BAALC: variants seen among roughly 807,000 people sequenced by gnomAD.
The protein encoded by BAALC is brain and acute leukemia cytoplasmic protein.
In BAALC, 9 loss-of-function variants were observed where a neutral mutation model predicts 15.5. That is an observed-to-expected ratio of 0.58 (90% confidence interval 0.35 to 1.02). The LOEUF (loss-of-function observed/expected upper bound fraction) is 1.02, where lower values mean the gene tolerates loss of function less well. BAALC is among the 50% of genes least tolerant of loss of function. The pLI is 0.02. For missense variants in BAALC, 201 were observed against 192.4 expected (o/e 1.04, Z -0.27); for synonymous variants, 80 against 74.6 (o/e 1.07, Z -0.37).
At chr8:103,174,765 T>C (rs925339859) in intron 1 of BAALC, among the ~76,000 whole-genome samples, 3 of 152,162 alleles carry the variant, frequency 2.0e-5, no homozygotes, top group African/African-American at 7.2e-5. Context: ...ATAGTAATGG[T>C]TGGAACTATG....
At chr8:103,192,738 C>G (rs1385458580) in intron 1 of BAALC, among the ~76,000 whole-genome samples, 1 of 152,212 alleles carries the variant, frequency 6.6e-6, no homozygotes, top group Non-Finnish European at 1.5e-5. Flanking sequence ...TACCGCCAGG[C>G]TTGAGCCCTT....
chr8:103,177,597 C>A (rs146978664), intron 1 of BAALC, among the ~76,000 whole-genome samples: 44 of 152,310 alleles, frequency 2.9e-4, no homozygotes, highest in African/African-American at 9.1e-4. Flanking sequence ...ACAGCATTTC[C>A]ATTTCTCACA....
chr8:103,143,600 C>A (rs532881519), intron 1 of BAALC, among the ~76,000 whole-genome samples: 98 of 152,314 alleles, frequency 6.4e-4, no homozygotes, highest in Non-Finnish European at 1.0e-3. Context: ...TCTGAACACT[C>A]CTTCAACCAC....
intron 1 of BAALC, among the ~76,000 whole-genome samples, chr8:103,188,681 C>G (rs1481959759): frequency 5.3e-5 from 8 of 152,200 alleles, no homozygotes; most frequent in Admixed American, 3.9e-4. Flanking sequence ...CCTCTACTTA[C>G]AGTTTTCATA....
chr8:103,188,406 G>C (rs1811893391), intron 1 of BAALC, among the ~76,000 whole-genome samples: 1 of 152,184 alleles, frequency 6.6e-6, no homozygotes, highest in Admixed American at 6.5e-5. Context: ...GTCTGAAAGT[G>C]GGGATGGGGT....
At chr8:103,164,378 A>T (rs1811297580) in intron 1 of BAALC, among the ~76,000 whole-genome samples, 1 of 152,200 alleles carries the variant, frequency 6.6e-6, no homozygotes, top group Admixed American at 6.5e-5. Flanking sequence ...CAACGGAAGC[A>T]GGGATAGGAT....
intron 1 of BAALC, among the ~76,000 whole-genome samples, chr8:103,192,801 C>T (rs1024461071): frequency 7.2e-5 from 11 of 152,300 alleles, no homozygotes; most frequent in Middle Eastern, 3.4e-3. Context: ...GGACAGCATC[C>T]ACTCCTTAGC....
chr8:103,212,310 T>C (rs895289779), intron 1 of BAALC, among the ~76,000 whole-genome samples: 2 of 152,116 alleles, frequency 1.3e-5, no homozygotes, highest in African/African-American at 4.8e-5. Context: ...TAGCTGGGCA[T>C]GGTGACACGT....
intron 2 of BAALC, among the ~76,000 whole-genome samples, chr8:103,218,080 T>A (rs1812599831): frequency 6.6e-6 from 1 of 152,202 alleles, no homozygotes; most frequent in Non-Finnish European, 1.5e-5. Flanking sequence ...TAAACTGCTT[T>A]CCAAAGGGTG....
chr8:103,213,376 G>A, intron 2 of BAALC: 1 of 262,038 alleles, frequency 3.8e-6, no homozygotes. Flanking sequence ...GACTGTGCTG[G>A]TTAGAGGAAC....
intron 1 of BAALC, among the ~76,000 whole-genome samples, chr8:103,177,193 G>GTT (rs67361726): frequency 0.09 from 13,106 of 145,230 alleles, 949 homozygotes; most frequent in East Asian, 0.34. Flanking sequence ...TTGTTGTTTT[G>GTT]TTTTTTTTTT....
At chr8:103,221,256 G>A (rs1180054144) in intron 2 of BAALC, among the ~76,000 whole-genome samples, 1 of 152,086 alleles carries the variant, frequency 6.6e-6, no homozygotes, top group Non-Finnish European at 1.5e-5. Flanking sequence ...TGATTCATGG[G>A]GTACTAAAGC....
At chr8:103,175,701 G>T (rs767211993) in intron 1 of BAALC, among the ~76,000 whole-genome samples, 1 of 152,248 alleles carries the variant, frequency 6.6e-6, no homozygotes, top group Non-Finnish European at 1.5e-5. Flanking sequence ...GTCTGGGCAT[G>T]ACCTCAGTTG....
At chr8:103,224,204 T>A (rs1256791533) in intron 2 of BAALC, among the ~76,000 whole-genome samples, 1 of 151,684 alleles carries the variant, frequency 6.6e-6, no homozygotes. Context: ...ATGAAAAGAG[T>A]CAAACTCTGT....
At chr8:103,212,625 GTAAA>G (rs1450547242) in intron 1 of BAALC, among the ~76,000 whole-genome samples, 12 of 152,270 alleles carry the variant, frequency 7.9e-5, no homozygotes, top group Admixed American at 7.2e-4. Context: ...AGGGGATTAG[GTAAA>G]TAAATGATGA....
intron 1 of BAALC, among the ~76,000 whole-genome samples, chr8:103,202,461 C>T (rs1812238752): frequency 6.6e-6 from 1 of 152,182 alleles, no homozygotes. Flanking sequence ...GGACTTCCAG[C>T]CTACAGGACT....
intron 1 of BAALC, among the ~76,000 whole-genome samples, chr8:103,160,574 T>C (rs1811203026): frequency 6.6e-6 from 1 of 152,134 alleles, no homozygotes; most frequent in Admixed American, 6.5e-5. Context: ...TAAATTGAAA[T>C]AATTTATTGC....
At chr8:103,150,706 T>C (rs1249507298) in intron 1 of BAALC, among the ~76,000 whole-genome samples, 1 of 152,258 alleles carries the variant, frequency 6.6e-6, no homozygotes, top group Non-Finnish European at 1.5e-5. Flanking sequence ...GGTCTTTTTC[T>C]ATGTCTTCAC....
intron 1 of BAALC, among the ~76,000 whole-genome samples, chr8:103,171,360 G>C (rs1461163661): frequency 8.1e-6 from 1 of 122,956 alleles, no homozygotes; most frequent in Non-Finnish European, 1.7e-5. Context: ...GAGCAAGGAA[G>C]GAAGGAGAAA....
Sources: gnomAD v4.1 joint callset for allele counts (sites outside exome capture counted in the v4.1 genomes callset) on GRCh38, gnomAD v4.1.1 for gene constraint, MANE v1.5 for transcripts, NCBI Gene and HGNC (gene_info 2026-07-23, HGNC 2026-07-21) for gene names.